Variants in CACNG3 observed in about 807,000 individuals in gnomAD.
CACNG3 encodes the protein voltage-dependent calcium channel gamma-3 subunit.
In CACNG3, 3 loss-of-function variants were observed where a neutral mutation model predicts 28.5. That is an observed-to-expected ratio of 0.11 (90% CI 0.05 to 0.27). The LOEUF is 0.27. Ranked by LOEUF, CACNG3 falls within the 10% of genes least tolerant of loss-of-function variation. The pLI is 1.00. For synonymous variants in CACNG3, 174 were observed against 162.2 expected (o/e 1.07, Z -0.55); for missense variants, 236 against 414.4 (o/e 0.57, Z 3.74).
intron 1 of CACNG3, among the ~76,000 whole-genome samples, chr16:24,313,941 C>A (rs772408121): frequency 1.3e-5 from 2 of 151,810 alleles, no homozygotes; most frequent in Non-Finnish European, 2.9e-5. Flanking sequence ...GACAGGATAT[C>A]GCCATGTTGG....
intron 1 of CACNG3, among the ~76,000 whole-genome samples, chr16:24,339,603 C>A (rs568889800): frequency 1.3e-5 from 2 of 152,108 alleles, no homozygotes; most frequent in Non-Finnish European, 2.9e-5. Context: ...CCAGGCTGGC[C>A]TCGAACTCCA....
chr16:24,355,036 G>C (rs1900011212), intron 3 of CACNG3, 63 bp downstream of exon 3: 1 of 1,533,884 alleles, frequency 6.5e-7, no homozygotes, highest in Non-Finnish European at 9.0e-7. Flanking sequence ...GGGCCACATG[G>C]AGGAAGCAAT....
Position 24,361,106 on chromosome 16 carries a change from G to A in CACNG3, c.437-246G>A, listed in dbSNP as rs374166654. ...AAATAAGTGCATTCTGAGTTCTTCC[G>A]TACTTGCTGTAGGAGTAGGGTGTAT... On this transcript the variant is annotated intron_variant, in intron 3 of 3. Transcript: ENST00000005284. The surrounding 1 kb of genome is among the most constrained non-coding windows in gnomAD (Gnocchi z 6.8). 7.2e-5 allele frequency among the ~76,000 whole-genome samples: 11 copies of A among 152,272 alleles called. No homozygotes were observed. Among genetic ancestry groups the A allele is most frequent in the African/African-American group, 1.9e-4 (8 of 41,550 alleles).
At chr16:24,317,651 AG>A (rs1482058897) in intron 1 of CACNG3, among the ~76,000 whole-genome samples, 3 of 60,030 alleles carry the variant, frequency 5.0e-5, no homozygotes, top group African/African-American at 7.6e-5. Context: ...AGAAAAGAAA[AG>A]AAAGAAAGAA....
intron 1 of CACNG3, 42 bp downstream of exon 1, chr16:24,257,007 C>G (rs200260925): frequency 2.2e-4 from 266 of 1,226,994 alleles, no homozygotes; most frequent in Non-Finnish European, 3.1e-4. Context: ...TAATCCAGTT[C>G]TGATATTCTG....
At chr16:24,334,661 G>A (rs544956476) in intron 1 of CACNG3, among the ~76,000 whole-genome samples, 4 of 152,278 alleles carry the variant, frequency 2.6e-5, no homozygotes, top group East Asian at 3.9e-4. Context: ...ACTTCCCCAG[G>A]CCTCTCTGCT....
intron 1 of CACNG3, among the ~76,000 whole-genome samples, chr16:24,284,660 G>A (rs1481968907): frequency 2.0e-5 from 3 of 152,064 alleles, no homozygotes; most frequent in African/African-American, 7.2e-5. Context: ...AATCTTGGAA[G>A]AGCAATTTGA....
At position 24,309,142 on chromosome 16, in the gene CACNG3, A is replaced by G. The variant is rs779884847; in HGVS notation, c.212-37592A>G. 5.3e-5 allele frequency among the ~76,000 whole-genome samples: 8 copies of G among 152,318 alleles called. No homozygotes were observed. The East Asian group carries it at 1.3e-3, about 26-fold the overall frequency. Reference sequence around the variant, plus strand: ...TAACCATTGTTCGATTATCTCTCCAATGCGCACAAAGTTAAGGCATTTGAA... The same window carrying G: ...TAACCATTGTTCGATTATCTCTCCAGTGCGCACAAAGTTAAGGCATTTGAA... On this transcript the variant is annotated intron_variant, in intron 1 of 3. Transcript: ENST00000005284.
chr16:24,270,114 G>A (rs968095564), intron 1 of CACNG3, among the ~76,000 whole-genome samples: 4 of 152,138 alleles, frequency 2.6e-5, no homozygotes, highest in African/African-American at 9.7e-5. Flanking sequence ...ACCATATGCT[G>A]TTTGACATCA....
intron 1 of CACNG3, among the ~76,000 whole-genome samples, chr16:24,277,103 T>C (rs1898762387): frequency 6.6e-6 from 1 of 152,090 alleles, no homozygotes; most frequent in Admixed American, 6.6e-5. Context: ...GCCACGAATG[T>C]TTTTGTTTGT....
intron 1 of CACNG3, among the ~76,000 whole-genome samples, chr16:24,295,276 G>A (rs987334496): frequency 1.3e-5 from 2 of 152,090 alleles, no homozygotes; most frequent in Non-Finnish European, 2.9e-5. Context: ...CTACCGAGAT[G>A]CCAGCTTCAG....
intron 1 of CACNG3, among the ~76,000 whole-genome samples, chr16:24,343,355 C>A (rs973386111): frequency 1.3e-5 from 2 of 152,138 alleles, no homozygotes; most frequent in African/African-American, 4.8e-5. Flanking sequence ...CTCAGTAATT[C>A]TGACTGGTCT....
At chr16:24,293,642 TC>T (rs1898993884) in intron 1 of CACNG3, among the ~76,000 whole-genome samples, 1 of 152,092 alleles carries the variant, frequency 6.6e-6, no homozygotes. Context: ...CTTGCACACT[TC>T]AAAACCTACA....
intron 1 of CACNG3, among the ~76,000 whole-genome samples, chr16:24,319,248 G>T (rs961683802): frequency 1.1e-4 from 16 of 152,244 alleles, no homozygotes; most frequent in East Asian, 3.9e-4. Flanking sequence ...TGAACTATGC[G>T]CATATTTAGG....
chr16:24,335,396 G>A (rs1256479997), intron 1 of CACNG3, among the ~76,000 whole-genome samples: 1 of 152,114 alleles, frequency 6.6e-6, no homozygotes, highest in Non-Finnish European at 1.5e-5. Context: ...CTCCATTCTG[G>A]ATAACAGAGC....
At chr16:24,319,256 A>T (rs190972738) in intron 1 of CACNG3, among the ~76,000 whole-genome samples, 237 of 152,348 alleles carry the variant, frequency 1.6e-3, no homozygotes, top group African/African-American at 5.4e-3. Context: ...GCGCATATTT[A>T]GGCAGGGAGG....
chr16:24,339,503 G>A (rs199777166), intron 1 of CACNG3, among the ~76,000 whole-genome samples: 4 of 151,460 alleles, frequency 2.6e-5, no homozygotes, highest in African/African-American at 4.8e-5. Flanking sequence ...CTCCTGCTTC[G>A]GCACCCTGAG....
chr16:24,337,473 C>A (rs1899727880), intron 1 of CACNG3, among the ~76,000 whole-genome samples: 1 of 151,964 alleles, frequency 6.6e-6, no homozygotes, highest in African/African-American at 2.4e-5. Context: ...AGCTCAAGTA[C>A]CTGGGAAGCA....
chr16:24,327,125 C>CAAA (rs1899559007), intron 1 of CACNG3, among the ~76,000 whole-genome samples: 2 of 7,468 alleles, frequency 2.7e-4, no homozygotes, highest in African/African-American at 1.4e-3. Context: ...GGGCTCCAAA[C>CAAA]CAAAAAAAAA....
Sources: gnomAD v4.1 joint callset for allele counts (sites outside exome capture counted in the v4.1 genomes callset) on GRCh38, gnomAD v4.1.1 for gene constraint, Gnocchi (gnomAD v3.1) non-coding constraint, MANE v1.5 for transcripts, NCBI Gene and HGNC (gene_info 2026-07-23, HGNC 2026-07-21) for gene names.